Variants in NRXN1 observed in about 807,000 individuals in gnomAD.
NRXN1 encodes neurexin 1.
Under a neutral mutation model 150.9 loss-of-function variants are expected in NRXN1, and 39 were observed. The ratio of observed to expected loss-of-function variants is 0.26; its 90% CI spans 0.20 to 0.34. The LOEUF (loss-of-function observed/expected upper bound fraction) is 0.34, where lower values mean the gene tolerates loss of function less well. Among genes scored for constraint, NRXN1 ranks in the 10% least tolerant of loss-of-function variants. The pLI, the probability that NRXN1 is intolerant of heterozygous loss-of-function variation, is 1.00. For missense variants in NRXN1, 1,815 were observed against 1,949.9 expected, an observed-to-expected ratio of 0.93 and a Z score of 1.30; for synonymous variants, 924 against 757.0, an observed-to-expected ratio of 1.22 and a Z score of -3.62.
chr2:50,472,211 T>G, intron 16 of NRXN1, 87 bp downstream of exon 16: 2 of 1,176,404 alleles, frequency 1.7e-6, no homozygotes, highest in South Asian at 4.8e-5. Flanking sequence ...TGACCAGTTA[T>G]CAGAATTTTG....
intron 21 of NRXN1, among the ~76,000 whole-genome samples, chr2:50,010,293 C>A (rs1165298084): frequency 1.3e-5 from 2 of 152,094 alleles, no homozygotes. Context: ...TAATTTCTGT[C>A]CCATCATGGA....
At chr2:50,683,646 A>AAAAAAAAAAAAAAAAAAAATATATATAT in intron 5 of NRXN1, among the ~76,000 whole-genome samples, 2 of 14,902 alleles carry the variant, frequency 1.3e-4, no homozygotes, top group African/African-American at 7.2e-4. Flanking sequence ...AAAAAAAAAA[A>AAAAAAAAAAAAAAAAAAAATATATATAT]ATATATATAT....
intron 5 of NRXN1, among the ~76,000 whole-genome samples, chr2:50,839,590 T>C (rs1026101805): frequency 4.6e-5 from 7 of 152,104 alleles, no homozygotes; most frequent in African/African-American, 1.7e-4. Context: ...CTCTAGCATC[T>C]AGGGCCACAC....
intron 5 of NRXN1, among the ~76,000 whole-genome samples, chr2:50,871,807 A>G (rs1677821634): frequency 6.6e-6 from 1 of 151,790 alleles, no homozygotes; most frequent in Non-Finnish European, 1.5e-5. Context: ...GTCACATTCA[A>G]TTTCCTCATT....
intron 5 of NRXN1, among the ~76,000 whole-genome samples, chr2:50,794,615 A>AT (rs1159838697): frequency 6.6e-6 from 1 of 152,140 alleles, no homozygotes; most frequent in East Asian, 1.9e-4. Context: ...GCAATTACTT[A>AT]TTTTTTATCA....
chr2:50,802,707 G>A (rs1278957182), intron 5 of NRXN1, among the ~76,000 whole-genome samples: 2 of 152,136 alleles, frequency 1.3e-5, no homozygotes, highest in African/African-American at 4.8e-5. Context: ...AAGTTAAAAT[G>A]AGGTCATTCA....
chr2:50,381,964 T>A (rs1039660058), intron 17 of NRXN1, among the ~76,000 whole-genome samples: 1 of 152,076 alleles, frequency 6.6e-6, no homozygotes, highest in African/African-American at 2.4e-5. Flanking sequence ...AGAAGACTGT[T>A]ACAGGACAGA....
intron 15 of NRXN1, among the ~76,000 whole-genome samples, chr2:50,484,880 T>TA (rs5831127): frequency 0.29 from 43,673 of 152,106 alleles, 7,019 homozygotes; most frequent in South Asian, 0.42. Context: ...TTTTATGGAA[T>TA]AGAAAGTGTT....
intron 5 of NRXN1, among the ~76,000 whole-genome samples, chr2:50,659,097 C>G (rs544298766): frequency 3.5e-4 from 53 of 152,130 alleles, no homozygotes; most frequent in Admixed American, 8.5e-4. Flanking sequence ...TCCCCACTGG[C>G]ATGCCACACA....
intron 5 of NRXN1, among the ~76,000 whole-genome samples, chr2:50,672,710 T>C (rs754584203): frequency 1.3e-5 from 2 of 152,070 alleles, no homozygotes; most frequent in Non-Finnish European, 2.9e-5. Flanking sequence ...AGCTCTGTTA[T>C]AGATAAAATA....
At chr2:50,998,934 T>C (rs1176945073) in intron 2 of NRXN1, among the ~76,000 whole-genome samples, 1 of 152,058 alleles carries the variant, frequency 6.6e-6, no homozygotes, top group Non-Finnish European at 1.5e-5. Flanking sequence ...ATACATTAAG[T>C]ATTCAACAAG....
intron 5 of NRXN1, among the ~76,000 whole-genome samples, chr2:50,775,280 C>G (rs1302713723): frequency 2.6e-5 from 4 of 152,060 alleles, no homozygotes; most frequent in South Asian, 2.1e-4. Flanking sequence ...TCTCGGTATC[C>G]TGTGGGGCCT....
chr2:50,413,676 C>T (rs986638370), intron 17 of NRXN1, among the ~76,000 whole-genome samples: 6 of 152,216 alleles, frequency 3.9e-5, no homozygotes, highest in South Asian at 2.1e-4. Context: ...AATCCCAATA[C>T]TGAGTATATA....
chr2:50,241,680 A>G (rs980774892), intron 17 of NRXN1, among the ~76,000 whole-genome samples: 5 of 151,824 alleles, frequency 3.3e-5, no homozygotes, highest in Non-Finnish European at 7.4e-5. Flanking sequence ...TAAAAAATAT[A>G]CATGGGCTCC....
chr2:50,179,228 C>A (rs139591303), intron 18 of NRXN1, among the ~76,000 whole-genome samples: 1 of 152,016 alleles, frequency 6.6e-6, no homozygotes, highest in Non-Finnish European at 1.5e-5. Flanking sequence ...TCCAGGGAGA[C>A]GGTAGTAGAT....
intron 5 of NRXN1, among the ~76,000 whole-genome samples, chr2:50,869,711 T>A (rs1677476358): frequency 6.6e-6 from 1 of 151,856 alleles, no homozygotes; most frequent in African/African-American, 2.4e-5. Context: ...AAGGTAGTTA[T>A]GTCACTAGAT....
chr2:49,950,170 T>G (rs534067914), intron 21 of NRXN1, among the ~76,000 whole-genome samples: 1 of 151,876 alleles, frequency 6.6e-6, no homozygotes, highest in Admixed American at 6.6e-5. Flanking sequence ...AGGTATATGA[T>G]TCCCAAATTG....
chr2:50,677,670 A>G (rs1184488958), intron 5 of NRXN1, among the ~76,000 whole-genome samples: 3 of 152,144 alleles, frequency 2.0e-5, no homozygotes, highest in Non-Finnish European at 4.4e-5. Context: ...CACATATAAA[A>G]GACAATTGTT....
At chr2:50,643,581 T>C (rs1010848797) in intron 5 of NRXN1, among the ~76,000 whole-genome samples, 1 of 151,932 alleles carries the variant, frequency 6.6e-6, no homozygotes, top group Non-Finnish European at 1.5e-5. Context: ...TTTATCCATA[T>C]GAACGGTATG....
Sources: gnomAD v4.1 joint callset for allele counts (sites outside exome capture counted in the v4.1 genomes callset) on GRCh38, gnomAD v4.1.1 for gene constraint, MANE v1.5 for transcripts, NCBI Gene and HGNC (gene_info 2026-07-23, HGNC 2026-07-21) for gene names.